BMPR1B: variants seen among roughly 807,000 people sequenced by gnomAD.
The protein encoded by BMPR1B is bone morphogenetic protein receptor type 1B, also known as bone morphogenetic protein receptor type-1B.
A neutral mutation model predicts 59.1 loss-of-function variants in BMPR1B; 12 were observed. The ratio of observed to expected loss-of-function variants is 0.20; its 90% CI spans 0.13 to 0.33. The LOEUF (loss-of-function observed/expected upper bound fraction) is 0.33, where lower values mean the gene tolerates loss of function less well. Ranked by LOEUF, BMPR1B falls within the 10% of genes least tolerant of loss-of-function variation. The probability of loss-of-function intolerance (pLI) is 1.00; values close to 1 mark genes in which losing one functional copy is unlikely to be tolerated. For synonymous variants in BMPR1B, 237 were observed against 207.3 expected (o/e 1.14, Z -1.23); for missense variants, 550 against 610.9 (o/e 0.90, Z 1.05).
chr4:94,875,251 A>G lies in BMPR1B; in HGVS notation c.-182-580A>G, dbSNP rs76476789. On this transcript the variant is annotated intron_variant, in intron 1 of 12. Transcript: ENST00000515059. ...TTAGAACTTTGTTAAAAATTACACC[A>G]AAAGTTAGAACTTTGAGGTGTTCTT... 6.7e-4 allele frequency among the ~76,000 whole-genome samples: 102 copies of G among 152,352 alleles called. 2 individuals are homozygous for G. In the East Asian group the frequency reaches 0.019, roughly 29 times the overall value.
At chr4:94,783,934 A>G (rs932334452) in intron 1 of BMPR1B, among the ~76,000 whole-genome samples, 3 of 152,124 alleles carry the variant, frequency 2.0e-5, no homozygotes, top group Non-Finnish European at 4.4e-5. Flanking sequence ...TTTCTTGGCC[A>G]TATCCACAGG....
chr4:95,037,808 GGAGA>G (rs1725369184), intron 3 of BMPR1B, among the ~76,000 whole-genome samples: 1 of 152,188 alleles, frequency 6.6e-6, no homozygotes, highest in Admixed American at 6.5e-5. Context: ...GCTTTACAAA[GGAGA>G]GAGTTTGAAA....
At chr4:94,872,880 A>G (rs1453635982) in intron 1 of BMPR1B, among the ~76,000 whole-genome samples, 3 of 152,212 alleles carry the variant, frequency 2.0e-5, no homozygotes, top group Non-Finnish European at 2.9e-5. Context: ...GCACCTAAGA[A>G]GTTTTAGAGT....
chr4:95,058,721 A>G (rs1032892362), intron 3 of BMPR1B, among the ~76,000 whole-genome samples: 1 of 152,230 alleles, frequency 6.6e-6, no homozygotes, highest in Non-Finnish European at 1.5e-5. Context: ...TTCATTATCA[A>G]ACTAAGTCTT....
intron 1 of BMPR1B, among the ~76,000 whole-genome samples, chr4:94,840,758 C>T (rs1414971038): frequency 6.7e-6 from 1 of 148,538 alleles, no homozygotes; most frequent in Admixed American, 6.7e-5. Context: ...CTTCTTCTCT[C>T]AACTTGTCAA....
intron 1 of BMPR1B, among the ~76,000 whole-genome samples, chr4:94,779,343 T>G (rs1006886439): frequency 2.4e-4 from 37 of 152,222 alleles, no homozygotes; most frequent in African/African-American, 8.7e-4. Flanking sequence ...AGGGCCTGTT[T>G]CTGAGCTTTT....
chr4:94,814,535 T>C (rs1341119037), intron 1 of BMPR1B, among the ~76,000 whole-genome samples: 1 of 152,220 alleles, frequency 6.6e-6, no homozygotes, highest in East Asian at 1.9e-4. Context: ...AGGCACATTA[T>C]TTACCATTCT....
intron 3 of BMPR1B, among the ~76,000 whole-genome samples, chr4:95,022,944 G>C (rs1410581118): frequency 6.6e-6 from 1 of 152,132 alleles, no homozygotes; most frequent in East Asian, 1.9e-4. Context: ...TGGTGTTCAG[G>C]TTAGATGTAA....
intron 2 of BMPR1B, among the ~76,000 whole-genome samples, chr4:94,994,892 T>G (rs1721964573): frequency 6.6e-6 from 1 of 152,162 alleles, no homozygotes; most frequent in Non-Finnish European, 1.5e-5. Context: ...AGGTTTCTAG[T>G]TTTGGCTCTG....
chr4:94,996,589 A>G (rs1418310461), intron 3 of BMPR1B, among the ~76,000 whole-genome samples: 2 of 152,180 alleles, frequency 1.3e-5, no homozygotes, highest in Non-Finnish European at 2.9e-5. Flanking sequence ...GAATTGGGGT[A>G]ACATGGGGTC....
intron 1 of BMPR1B, among the ~76,000 whole-genome samples, chr4:94,818,440 G>T (rs1414771622): frequency 6.6e-6 from 1 of 152,154 alleles, no homozygotes; most frequent in Non-Finnish European, 1.5e-5. Flanking sequence ...CAACTGGTTT[G>T]AGGCAGAGCT....
At chr4:95,019,864 C>T (rs17344835) in intron 3 of BMPR1B, among the ~76,000 whole-genome samples, 49,006 of 151,886 alleles carry the variant, frequency 0.32, 8,051 homozygotes, top group Middle Eastern at 0.45. Context: ...AATAAATCGT[C>T]CTCAAGTGGT....
At chr4:94,924,234 G>A (rs1295079041) in intron 2 of BMPR1B, among the ~76,000 whole-genome samples, 1 of 152,080 alleles carries the variant, frequency 6.6e-6, no homozygotes, top group Admixed American at 6.6e-5. Flanking sequence ...TTATTTTATT[G>A]TTTATGTGAT....
At chr4:95,065,929 A>G (rs1363898649) in intron 3 of BMPR1B, among the ~76,000 whole-genome samples, 1 of 152,224 alleles carries the variant, frequency 6.6e-6, no homozygotes, top group Non-Finnish European at 1.5e-5. Flanking sequence ...TATGTGATTT[A>G]GAGTTGCCAT....
intron 6 of BMPR1B, among the ~76,000 whole-genome samples, chr4:95,120,237 T>C (rs1326916330): frequency 6.6e-6 from 1 of 152,226 alleles, no homozygotes; most frequent in Non-Finnish European, 1.5e-5. Flanking sequence ...CCATGGTGTA[T>C]ATGTACCACA....
chr4:94,837,462 G>T (rs2148930358), intron 1 of BMPR1B, among the ~76,000 whole-genome samples: 1 of 143,638 alleles, frequency 7.0e-6, no homozygotes, highest in African/African-American at 2.6e-5. Context: ...TCTCCTTGAA[G>T]AGGTCCTTCA....
chr4:95,109,844 A>G (rs576607915), intron 4 of BMPR1B, among the ~76,000 whole-genome samples: 1 of 147,336 alleles, frequency 6.8e-6, no homozygotes, highest in African/African-American at 2.5e-5. Flanking sequence ...GTATCTCCTA[A>G]TGCTATCCCT....
rs569220341 is a variant in BMPR1B at position 95,068,552 on chromosome 4, T to G, written c.-17-35856T>G. Among the ~76,000 whole-genome samples, 272 of 152,264 alleles carry G rather than the reference T, an allele frequency of 1.8e-3. 1 individual carries two copies. The highest frequency in any genetic ancestry group is 6.4e-3 in the African/African-American group (265 of 41,556). On this transcript the variant is annotated intron_variant, in intron 3 of 12. Coordinates refer to ENST00000515059, the MANE Select transcript of BMPR1B (RefSeq NM_001203.3). ...CACATGGGATGCTAGGAGCAACCATTCTATACTCATGTATAACCTGCAATG... is the reference window on the plus strand; with the variant it reads ...CACATGGGATGCTAGGAGCAACCATGCTATACTCATGTATAACCTGCAATG...
At chr4:95,062,131 G>T (rs1727446795) in intron 3 of BMPR1B, among the ~76,000 whole-genome samples, 1 of 151,964 alleles carries the variant, frequency 6.6e-6, no homozygotes, top group East Asian at 1.9e-4. Context: ...CATAAATCAT[G>T]CATTCTCAGG....
Sources: gnomAD v4.1 joint callset for allele counts (sites outside exome capture counted in the v4.1 genomes callset) on GRCh38, gnomAD v4.1.1 for gene constraint, MANE v1.5 for transcripts, NCBI Gene and HGNC (gene_info 2026-07-23, HGNC 2026-07-21) for gene names.